Variants in ADAMTS20 observed in about 807,000 individuals in gnomAD.
The protein encoded by ADAMTS20 is ADAM metallopeptidase with thrombospondin type 1 motif 20.
Under a neutral mutation model 260.1 loss-of-function variants are expected in ADAMTS20, and 225 were observed. That is an observed-to-expected ratio of 0.87 (90% CI 0.78 to 0.97). The LOEUF is 0.97. ADAMTS20 is among the 50% of genes least tolerant of loss of function. The pLI, the probability that ADAMTS20 is intolerant of heterozygous loss-of-function variation, is 0.00. For missense variants in ADAMTS20, 2,400 were observed against 2,337.7 expected, an observed-to-expected ratio of 1.03 and a Z score of -0.55; for synonymous variants, 802 against 769.5, an observed-to-expected ratio of 1.04 and a Z score of -0.70.
intron 7 of ADAMTS20, among the ~76,000 whole-genome samples, chr12:43,482,240 G>A (rs1227069154): frequency 6.6e-6 from 1 of 152,234 alleles, no homozygotes; most frequent in Non-Finnish European, 1.5e-5. Flanking sequence ...ATAATCTCAA[G>A]TGGGAACGAA....
At chr12:43,425,076 C>T (rs993146870) in intron 28 of ADAMTS20, among the ~76,000 whole-genome samples, 19 of 151,970 alleles carry the variant, frequency 1.3e-4, no homozygotes, top group Non-Finnish European at 2.5e-4. Flanking sequence ...ACTATGCAGC[C>T]GTAATAAGGA....
chr12:43,366,054 T>TA (rs908158192), intron 37 of ADAMTS20, among the ~76,000 whole-genome samples: 3 of 151,762 alleles, frequency 2.0e-5, no homozygotes, highest in Admixed American at 6.6e-5. Context: ...ATAGTGATGT[T>TA]AAAAAAATCC....
In ADAMTS20 at chr12:43,428,221, ACT is replaced by A; in HGVS notation, c.3945+18_3945+19del. The A allele has an allele frequency of 6.2e-7, 1 of 1,610,214 alleles. No homozygotes were observed. Among genetic ancestry groups the A allele is most frequent in the Non-Finnish European group, 8.5e-7 (1 of 1,178,090 alleles). On this transcript the variant is annotated intron_variant, in intron 26 of 38. Transcript: ENST00000389420. Reference sequence around the variant, plus strand: ...ATAACAAAATTACAGAATTAATATAACTCAATAAAGATGGCTTACTGATCCCC... The same window carrying A: ...ATAACAAAATTACAGAATTAATATAACAATAAAGATGGCTTACTGATCCCC...
intron 7 of ADAMTS20, among the ~76,000 whole-genome samples, chr12:43,481,783 C>T (rs1386461632): frequency 6.6e-6 from 1 of 152,092 alleles, no homozygotes; most frequent in African/African-American, 2.4e-5. Flanking sequence ...ATGCCTCTCC[C>T]ACCCGGAAAG....
At chr12:43,421,606 A>C (rs1941239844) in intron 28 of ADAMTS20, among the ~76,000 whole-genome samples, 1 of 152,096 alleles carries the variant, frequency 6.6e-6, no homozygotes, top group Non-Finnish European at 1.5e-5. Flanking sequence ...ACTTTTACTC[A>C]CCTTTTAAAG....
chr12:43,490,198 T>G (rs934626640), intron 7 of ADAMTS20, among the ~76,000 whole-genome samples, 197 bp downstream of exon 7: 1 of 152,020 alleles, frequency 6.6e-6, no homozygotes, highest in Non-Finnish European at 1.5e-5. Context: ...ATTGAGTAAT[T>G]TGCAAATAAA....
At chr12:43,388,518 G>A (rs1201158701) in intron 29 of ADAMTS20, among the ~76,000 whole-genome samples, 1 of 152,206 alleles carries the variant, frequency 6.6e-6, no homozygotes, top group Non-Finnish European at 1.5e-5. Flanking sequence ...CAATGGATAG[G>A]AGTTTTGGAA....
In ADAMTS20 at chr12:43,429,687, A is replaced by G. The variant is rs150135291; in HGVS notation, c.3419T>C (p.Leu1140Pro). Residue 1140 changes from leucine (L) to proline (P), a missense_variant, in exon 24 of 39, where the codon CTT (leucine) becomes CCT (proline). Physicochemically the swap from Leu to Pro is moderately conservative, Grantham distance 98. Coordinates refer to ENST00000389420, the MANE Select transcript of ADAMTS20 (RefSeq NM_025003.5). The stretch of plus-strand genomic sequence containing the variant: ...AACAGTTGGTAATAAAGCGGTCTCA[A>G]GTTTAGAAATAAATGAGCAAGGTGT... ...VLTPCSFISK[L>P]ETALLPTVLI... 41 of 1,595,286 alleles carry G rather than the reference A, an allele frequency of 2.6e-5. No individual in the cohort carries two copies. The highest frequency in any genetic ancestry group is 3.4e-5 in the Non-Finnish European group (40 of 1,169,622).
chr12:43,538,979 G>T (rs1191262939), intron 2 of ADAMTS20, among the ~76,000 whole-genome samples: 2 of 130,658 alleles, frequency 1.5e-5, no homozygotes, highest in African/African-American at 3.1e-5. Flanking sequence ...TTGAGATGGA[G>T]TCTCACTCTA....
At position 43,434,318 on chromosome 12, in the gene ADAMTS20, A is replaced by G. The variant is rs1431545277; in HGVS notation, c.2647T>C (p.Ser883Pro). The stretch of plus-strand genomic sequence containing the variant: ...GGCAAGTGGTCACATTCTTTATCAG[A>G]CACAACACTATGATCACTCTTATGT... The part of the protein sequence containing the change: ...CIHKSDHSVV[S>P]DKECDHLPLP... The change falls in exon 19 of 39, where the codon TCT becomes CCT. Residue 883 changes from serine to proline, a missense_variant. Physicochemically the swap from Ser to Pro is moderately conservative, Grantham distance 74. Coordinates refer to ENST00000389420, the MANE Select transcript of ADAMTS20 (RefSeq NM_025003.5). 1.3e-6 allele frequency: 2 copies of G among 1,593,358 alleles called. No homozygotes were observed. Among genetic ancestry groups the G allele is most frequent in the Non-Finnish European group, 1.7e-6 (2 of 1,168,594 alleles).
chr12:43,480,678 A>G (rs988441267), intron 7 of ADAMTS20, among the ~76,000 whole-genome samples: 1 of 152,214 alleles, frequency 6.6e-6, no homozygotes, highest in Admixed American at 6.5e-5. Flanking sequence ...TCTGTAGGAC[A>G]TTACGCTCAG....
intron 7 of ADAMTS20, 111 bp from the exon 8 acceptor site, chr12:43,468,816 A>G: frequency 1.6e-6 from 1 of 612,998 alleles, no homozygotes. Context: ...AAAAGAATGC[A>G]GAATTGGCTG....
At chr12:43,543,614 G>C (rs1273888219) in intron 2 of ADAMTS20, among the ~76,000 whole-genome samples, 1 of 152,238 alleles carries the variant, frequency 6.6e-6, no homozygotes, top group African/African-American at 2.4e-5. Context: ...GCCAGAGTCA[G>C]TGCCCCTGTG....
chr12:43,419,830 T>C (rs1941195997), intron 28 of ADAMTS20, among the ~76,000 whole-genome samples: 1 of 152,162 alleles, frequency 6.6e-6, no homozygotes, highest in South Asian at 2.1e-4. Flanking sequence ...ACATTTCAAA[T>C]CTGCAGGGCC....
intron 19 of ADAMTS20, chr12:43,433,709 C>A (rs1291503364): frequency 6.8e-4 from 18 of 26,500 alleles, no homozygotes; most frequent in Middle Eastern, 0.022. Flanking sequence ...CACAAACACA[C>A]ACACACACAC....
chr12:43,494,057 G>A (rs1310698779), intron 4 of ADAMTS20, among the ~76,000 whole-genome samples: 2 of 152,190 alleles, frequency 1.3e-5, no homozygotes, highest in Non-Finnish European at 1.5e-5. Context: ...CAGTAGGGGT[G>A]TCTTCCATGG....
chr12:43,511,818 T>G (rs1295243663), intron 3 of ADAMTS20, among the ~76,000 whole-genome samples: 1 of 152,150 alleles, frequency 6.6e-6, no homozygotes, highest in Non-Finnish European at 1.5e-5. Flanking sequence ...AACAATCCAT[T>G]TTTTAAATGA....
At chr12:43,371,092 C>A (rs1484990119) in intron 36 of ADAMTS20, among the ~76,000 whole-genome samples, 2 of 152,092 alleles carry the variant, frequency 1.3e-5, no homozygotes, top group Non-Finnish European at 2.9e-5. Flanking sequence ...TGATCTGCTC[C>A]CTGCGAACTT....
intron 29 of ADAMTS20, among the ~76,000 whole-genome samples, chr12:43,384,391 T>C (rs991464577): frequency 3.3e-5 from 5 of 152,228 alleles, no homozygotes; most frequent in Admixed American, 3.3e-4. Flanking sequence ...CAAGATTGTG[T>C]TATATTCATC....
Sources: allele counts gnomAD v4.1 joint callset (sites outside exome capture counted in the v4.1 genomes callset), GRCh38; gene constraint gnomAD v4.1.1; transcripts MANE v1.5; gene names NCBI Gene and HGNC (gene_info 2026-07-23, HGNC 2026-07-21).